Variants in GALNT17 observed in about 807,000 individuals in gnomAD.
The protein encoded by GALNT17 is UDP-GalNAc:polypeptide N-acetylgalactosaminyltransferase-like 3.
A neutral mutation model predicts 63.7 loss-of-function variants in GALNT17; 29 were observed. The observed-to-expected ratio is 0.46, with a 90% confidence interval of 0.34 to 0.62. The LOEUF is 0.62. Ranked by LOEUF, GALNT17 falls within the 20% of genes least tolerant of loss-of-function variation. The pLI is 0.01. For missense variants in GALNT17, 603 were observed against 799.6 expected (o/e 0.75, Z 2.97); for synonymous variants, 305 against 318.3 (o/e 0.96, Z 0.45).
At chr7:71,347,041 C>T (rs1037749173) in intron 2 of GALNT17, among the ~76,000 whole-genome samples, 6 of 152,100 alleles carry the variant, frequency 3.9e-5, no homozygotes, top group East Asian at 1.9e-4. Context: ...TATTTGCTAA[C>T]GCAGGTCTTC....
intron 1 of GALNT17, among the ~76,000 whole-genome samples, chr7:71,149,605 C>CTT (rs1788095038): frequency 6.6e-6 from 1 of 152,066 alleles, no homozygotes; most frequent in Non-Finnish European, 1.5e-5. Flanking sequence ...TTCCAGGACT[C>CTT]TAAATTATGC....
chr7:71,358,023 G>A (rs769953650), intron 2 of GALNT17, among the ~76,000 whole-genome samples: 7 of 152,222 alleles, frequency 4.6e-5, no homozygotes, highest in Non-Finnish European at 8.8e-5. Flanking sequence ...CCAGCCAGCA[G>A]CGGCAACCCG....
rs58686500 is a variant in GALNT17 at position 71,648,347 on chromosome 7, C to T, written c.1081-17064C>T. 8.7e-3 allele frequency among the ~76,000 whole-genome samples: 1,319 copies of T among 151,948 alleles called. 16 individuals carry two copies. Among genetic ancestry groups the T allele is most frequent in the African/African-American group, 0.027 (1,125 of 41,414 alleles). On this transcript the variant is annotated intron_variant, in intron 6 of 10. Transcript: ENST00000333538. ...GTACAGTGGCTCAATCACAGCTCAC[C>T]GCAGCCTGGAACTCCTGGGATCAAA... is the stretch of plus-strand genomic sequence containing the variant.
At chr7:71,668,390 C>T (rs1047630942) in intron 7 of GALNT17, among the ~76,000 whole-genome samples, 9 of 151,618 alleles carry the variant, frequency 5.9e-5, no homozygotes, top group African/African-American at 2.2e-4. Context: ...GTGGCGCATG[C>T]CTTTAATTCC....
chr7:71,239,735 C>T (rs777178964), intron 1 of GALNT17, among the ~76,000 whole-genome samples: 1 of 152,158 alleles, frequency 6.6e-6, no homozygotes, highest in Non-Finnish European at 1.5e-5. Context: ...AGTAGGGACA[C>T]AGACAAGCTG....
intron 1 of GALNT17, among the ~76,000 whole-genome samples, chr7:71,164,903 T>C (rs1013200262): frequency 6.6e-6 from 1 of 152,238 alleles, no homozygotes; most frequent in African/African-American, 2.4e-5. Flanking sequence ...TTTGAAGTCA[T>C]CTTCTCTAAG....
At chr7:71,174,160 C>CA (rs1788594898) in intron 1 of GALNT17, among the ~76,000 whole-genome samples, 1 of 152,222 alleles carries the variant, frequency 6.6e-6, no homozygotes. Context: ...CATAGCCTCT[C>CA]AGAGTGCTAC....
chr7:71,629,981 C>T (rs1253190443), intron 6 of GALNT17, among the ~76,000 whole-genome samples: 1 of 149,954 alleles, frequency 6.7e-6, no homozygotes, highest in East Asian at 2.0e-4. Context: ...TCCTCATGTA[C>T]TCATTCCTTC....
intron 1 of GALNT17, among the ~76,000 whole-genome samples, chr7:71,321,583 C>T (rs180684993): frequency 2.8e-4 from 42 of 152,290 alleles, no homozygotes; most frequent in African/African-American, 8.7e-4. Flanking sequence ...TCATTGTCTT[C>T]GTGCTTCAAT....
chr7:71,323,833 A>C (rs1409327615), intron 1 of GALNT17, among the ~76,000 whole-genome samples: 2 of 152,204 alleles, frequency 1.3e-5, no homozygotes, highest in African/African-American at 2.4e-5. Context: ...GGTGTTTGCT[A>C]TGTGCAAGAC....
At chr7:71,287,313 C>G (rs59592502) in intron 1 of GALNT17, among the ~76,000 whole-genome samples, 2,940 of 152,194 alleles carry the variant, frequency 0.019, 82 homozygotes, top group African/African-American at 0.066. Context: ...TTGTCACAAA[C>G]TCCTGGGCTC....
chr7:71,710,311 C>A (rs1228145967), intron 9 of GALNT17, among the ~76,000 whole-genome samples: 1 of 152,118 alleles, frequency 6.6e-6, no homozygotes, highest in Middle Eastern at 3.2e-3. Context: ...AGTTCGAGAC[C>A]AGCCTGACCA....
intron 1 of GALNT17, among the ~76,000 whole-genome samples, chr7:71,290,383 C>CTATA (rs1489587019): frequency 3.3e-5 from 5 of 152,136 alleles, no homozygotes; most frequent in Non-Finnish European, 5.9e-5. Context: ...TAGGGAGCTG[C>CTATA]TCTGGATTGC....
intron 5 of GALNT17, among the ~76,000 whole-genome samples, chr7:71,531,429 T>C (rs985409655): frequency 2.6e-5 from 4 of 152,168 alleles, no homozygotes; most frequent in Non-Finnish European, 4.4e-5. Flanking sequence ...GGCTACCATA[T>C]TGGATAGTGC....
At chr7:71,274,072 G>A (rs1390785228) in intron 1 of GALNT17, among the ~76,000 whole-genome samples, 1 of 152,220 alleles carries the variant, frequency 6.6e-6, no homozygotes, top group Non-Finnish European at 1.5e-5. Flanking sequence ...GGTAGGGCGA[G>A]GGCATATGTT....
intron 4 of GALNT17, 133 bp downstream of exon 4, chr7:71,416,196 A>G: frequency 9.1e-7 from 1 of 1,099,488 alleles, no homozygotes; most frequent in Non-Finnish European, 1.2e-6. Flanking sequence ...CTCGTCAAAG[A>G]AGAAAGTGAG....
intron 5 of GALNT17, among the ~76,000 whole-genome samples, chr7:71,517,888 T>A (rs1419223475): frequency 6.6e-6 from 1 of 152,154 alleles, no homozygotes; most frequent in Non-Finnish European, 1.5e-5. Context: ...TATGGTGTCA[T>A]AAGTGTGACA....
chr7:71,269,194 A>G (rs1471974826), intron 1 of GALNT17, among the ~76,000 whole-genome samples: 1 of 152,172 alleles, frequency 6.6e-6, no homozygotes, highest in East Asian at 1.9e-4. Flanking sequence ...GCCAGGCATC[A>G]TGGCTCATGC....
intron 6 of GALNT17, among the ~76,000 whole-genome samples, chr7:71,576,371 G>C (rs1195739963): frequency 6.6e-6 from 1 of 152,230 alleles, no homozygotes; most frequent in Non-Finnish European, 1.5e-5. Context: ...TGTATATCCA[G>C]TAATGGGATT....
Sources: gnomAD v4.1 joint callset for allele counts (sites outside exome capture counted in the v4.1 genomes callset) on GRCh38, gnomAD v4.1.1 for gene constraint, MANE v1.5 for transcripts, NCBI Gene and HGNC (gene_info 2026-07-23, HGNC 2026-07-21) for gene names.